The following KCNN2 variants were observed in gnomAD, a reference collection of about 807,000 sequenced individuals.
KCNN2 encodes small conductance calcium-activated potassium channel protein 2.
KCNN2 carries 24 observed loss-of-function variants against 55.5 expected under a neutral mutation model. That is an observed-to-expected ratio of 0.43 (90% confidence interval 0.31 to 0.61). KCNN2 has a LOEUF of 0.61. Among genes scored for constraint, KCNN2 ranks in the 20% least tolerant of loss-of-function variants. KCNN2 has a pLI of 0.08. For missense variants in KCNN2, 754 were observed against 853.6 expected (o/e 0.88, Z 1.45); for synonymous variants, 431 against 336.1 (o/e 1.28, Z -3.09).
intron 2 of KCNN2, among the ~76,000 whole-genome samples, chr5:114,249,902 T>C (rs1020948175): frequency 2.6e-5 from 4 of 152,168 alleles, no homozygotes; most frequent in South Asian, 2.1e-4. Flanking sequence ...CCCCATGTTA[T>C]GTTTAGTTAC....
chr5:114,443,976 ATCACCTTGTTTTAGAAAGATAAC>A (rs1760309526), intron 3 of KCNN2, among the ~76,000 whole-genome samples: 1 of 152,210 alleles, frequency 6.6e-6, no homozygotes. Context: ...GCAGTGGGGA[ATCACCTTGTTTTAGAAAGATAAC>A]TCACAGAACA....
At chr5:114,090,366 AC>A (rs1202983370) in intron 1 of KCNN2, among the ~76,000 whole-genome samples, 2 of 152,170 alleles carry the variant, frequency 1.3e-5, no homozygotes, top group Non-Finnish European at 2.9e-5. Flanking sequence ...AATTATAAGT[AC>A]ATTTAAAACC....
chr5:114,343,926 C>T (rs558447262), intron 2 of KCNN2, among the ~76,000 whole-genome samples: 11 of 152,240 alleles, frequency 7.2e-5, no homozygotes, highest in Admixed American at 2.6e-4. Flanking sequence ...TTCTCTTCCT[C>T]GCCTATACCT....
At chr5:114,330,324 A>C (rs1050263900) in intron 2 of KCNN2, among the ~76,000 whole-genome samples, 14 of 152,100 alleles carry the variant, frequency 9.2e-5, no homozygotes, top group Non-Finnish European at 7.4e-5. Flanking sequence ...ACATGTACAC[A>C]CTCATTCCTA....
intron 3 of KCNN2, among the ~76,000 whole-genome samples, chr5:114,411,804 C>A (rs959152748): frequency 6.6e-6 from 1 of 152,190 alleles, no homozygotes; most frequent in African/African-American, 2.4e-5. Context: ...CACCAGTCTC[C>A]TTTGGAAACA....
At chr5:114,389,344 G>A (rs576209118) in intron 2 of KCNN2, among the ~76,000 whole-genome samples, 87 of 152,230 alleles carry the variant, frequency 5.7e-4, no homozygotes, top group Middle Eastern at 3.4e-3. Context: ...TACCGGCTAA[G>A]TATGTGACAA....
chr5:114,232,461 G>A (rs1754381883), intron 2 of KCNN2, among the ~76,000 whole-genome samples: 1 of 150,890 alleles, frequency 6.6e-6, no homozygotes, highest in Admixed American at 6.6e-5. Context: ...TTTGCGTTTT[G>A]CCTTCCAGTC....
intron 2 of KCNN2, among the ~76,000 whole-genome samples, chr5:114,268,638 G>A (rs1433570300): frequency 6.6e-6 from 1 of 152,168 alleles, no homozygotes; most frequent in Non-Finnish European, 1.5e-5. Flanking sequence ...AGACTTAGAA[G>A]GCAAGAACCA....
chr5:114,143,860 G>A (rs940061821), intron 1 of KCNN2, among the ~76,000 whole-genome samples: 8 of 152,164 alleles, frequency 5.3e-5, no homozygotes, highest in East Asian at 1.9e-4. Flanking sequence ...TAAATGAACC[G>A]TAGCAATCAT....
chr5:114,263,150 T>C (rs1164423362), intron 2 of KCNN2, among the ~76,000 whole-genome samples: 2 of 151,968 alleles, frequency 1.3e-5, no homozygotes, highest in African/African-American at 4.8e-5. Flanking sequence ...TTGGTGAGCA[T>C]GTTGGCAGAA....
At chr5:114,180,421 T>C (rs1317876818) in intron 1 of KCNN2, among the ~76,000 whole-genome samples, 1 of 152,210 alleles carries the variant, frequency 6.6e-6, no homozygotes, top group East Asian at 1.9e-4. Context: ...CTTGCCTCTG[T>C]GTTTATAGTT....
Position 114,440,836 on chromosome 5 carries a change from G to T in KCNN2, c.1638-22213G>T, listed in dbSNP as rs111634903. Among the ~76,000 whole-genome samples the T allele has an allele frequency of 3.0e-3, 94 of 31,294 alleles. 1 individual carries two copies. Among genetic ancestry groups the T allele is most frequent in the East Asian group, 7.7e-3 (1 of 130 alleles). 20.5% of individuals were successfully genotyped at this position (31,294 alleles called of 152,430 possible). On this transcript the variant is annotated intron_variant, in intron 3 of 7. Transcript: ENST00000673685. ...GTATGAAGGGAGCATATAACAAACA[G>T]GGAATTATTAATAGAAATTTGAACA...
intron 1 of KCNN2, among the ~76,000 whole-genome samples, chr5:114,111,960 C>T (rs929263833): frequency 1.3e-5 from 2 of 152,164 alleles, no homozygotes; most frequent in Non-Finnish European, 2.9e-5. Flanking sequence ...CCATTTGACC[C>T]AGCCATCCCA....
intron 1 of KCNN2, among the ~76,000 whole-genome samples, chr5:114,212,747 G>A (rs1035157566): frequency 6.6e-6 from 1 of 151,950 alleles, no homozygotes. Flanking sequence ...TTTACCTTTA[G>A]TAGTAAGACT....
At chr5:114,381,503 A>AC (rs1758124834) in intron 2 of KCNN2, among the ~76,000 whole-genome samples, 1 of 152,260 alleles carries the variant, frequency 6.6e-6, no homozygotes, top group African/African-American at 2.4e-5. Flanking sequence ...AATAAGTGAC[A>AC]GATTAGCTTT....
At chr5:114,177,886 C>G (rs1390881010) in intron 1 of KCNN2, among the ~76,000 whole-genome samples, 1 of 151,978 alleles carries the variant, frequency 6.6e-6, no homozygotes, top group East Asian at 1.9e-4. Context: ...CGGATTAAAT[C>G]AAATAAAAAT....
chr5:114,181,275 G>A (rs1410079750), intron 1 of KCNN2, among the ~76,000 whole-genome samples: 1 of 152,128 alleles, frequency 6.6e-6, no homozygotes, highest in Non-Finnish European at 1.5e-5. Context: ...TTGTTCTCGT[G>A]AGTCTTTAAT....
intron 1 of KCNN2, among the ~76,000 whole-genome samples, chr5:114,172,388 C>T (rs1247371816): frequency 6.6e-6 from 1 of 151,646 alleles, no homozygotes; most frequent in African/African-American, 2.4e-5. Context: ...CCATCCATTC[C>T]AGCCTTCTCA....
At chr5:114,182,508 A>G (rs1243205898) in intron 1 of KCNN2, among the ~76,000 whole-genome samples, 3 of 151,988 alleles carry the variant, frequency 2.0e-5, no homozygotes, top group Non-Finnish European at 4.4e-5. Flanking sequence ...CACTAACATT[A>G]TATATTTTTT....
Sources: allele counts gnomAD v4.1 joint callset (sites outside exome capture counted in the v4.1 genomes callset), GRCh38; gene constraint gnomAD v4.1.1; transcripts MANE v1.5; gene names NCBI Gene and HGNC (gene_info 2026-07-23, HGNC 2026-07-21).